The following RYR2 variants were observed in gnomAD, a reference collection of about 807,000 sequenced individuals.
The protein encoded by RYR2 is cardiac muscle ryanodine receptor-calcium release channel.
Under a neutral mutation model 601.1 loss-of-function variants are expected in RYR2, and 227 were observed. The observed-to-expected ratio is 0.38, with a 90% CI of 0.34 to 0.42. The LOEUF is 0.42. RYR2 is among the 10% of genes least tolerant of loss of function. RYR2 has a pLI of 1.00. For missense variants in RYR2, 4,646 were observed against 6,156.5 expected (o/e 0.75, Z 8.21); for synonymous variants, 2,223 against 2,175.1 (o/e 1.02, Z -0.61).
chr1:237,195,710 A>G (rs1353829115), intron 1 of RYR2, among the ~76,000 whole-genome samples: 1 of 152,224 alleles, frequency 6.6e-6, no homozygotes, highest in African/African-American at 2.4e-5. Flanking sequence ...TAGTCTGGTC[A>G]TTGTATACCC....
rs113593318 is a variant in RYR2 at position 237,307,912 on chromosome 1, G to C, written c.169-22966G>C. On this transcript the variant is annotated intron_variant, in intron 2 of 104. Transcript: ENST00000366574. Reference sequence around the variant, plus strand: ...TTATCAGAGGCATTCGAGCCAGAGCGACTCCATTTTGAGTGAAGGCTAGGA... The same window carrying C: ...TTATCAGAGGCATTCGAGCCAGAGCCACTCCATTTTGAGTGAAGGCTAGGA... Among the ~76,000 whole-genome samples the C allele has an allele frequency of 7.5e-4, 95 of 127,148 alleles. No homozygotes were observed. In the Middle Eastern group the frequency reaches 0.013, roughly 17 times the overall value. 83.4% of individuals were successfully genotyped at this position (127,148 alleles called of 152,430 possible).
At chr1:237,517,759 A>T (rs1171042799) in intron 24 of RYR2, among the ~76,000 whole-genome samples, 1 of 152,182 alleles carries the variant, frequency 6.6e-6, no homozygotes, top group Non-Finnish European at 1.5e-5. Flanking sequence ...AGAGTGGTAC[A>T]TTTATAACAA....
intron 34 of RYR2, among the ~76,000 whole-genome samples, chr1:237,598,206 A>G (rs1036443660): frequency 6.6e-6 from 1 of 152,230 alleles, no homozygotes; most frequent in Non-Finnish European, 1.5e-5. Context: ...CTTCAATGCA[A>G]CAATAGTAGG....
intron 1 of RYR2, among the ~76,000 whole-genome samples, chr1:237,054,539 T>C (rs1661733623): frequency 6.6e-6 from 1 of 152,080 alleles, no homozygotes; most frequent in Non-Finnish European, 1.5e-5. Flanking sequence ...AAAATGCAAA[T>C]TGTGTCTACT....
intron 89 of RYR2, among the ~76,000 whole-genome samples, chr1:237,782,568 G>A (rs1445894832): frequency 6.6e-6 from 1 of 151,964 alleles, no homozygotes; most frequent in Non-Finnish European, 1.5e-5. Flanking sequence ...GCCCTTAGTC[G>A]GTGGCAACAG....
At chr1:237,413,836 T>C (rs1293946632) in intron 10 of RYR2, among the ~76,000 whole-genome samples, 1 of 152,160 alleles carries the variant, frequency 6.6e-6, no homozygotes, top group African/African-American at 2.4e-5. Flanking sequence ...TATTTACATG[T>C]TTTATTTAAT....
rs1284901839 is a variant in RYR2, at chr1:237,643,316, C to T, written c.7222-11C>T. 4.4e-6 allele frequency: 7 copies of T among 1,595,022 alleles called. No homozygotes were observed. Among genetic ancestry groups the T allele is most frequent in the African/African-American group, 2.7e-5 (2 of 72,954 alleles). ...CAAAGTTGTTCTAATGTTTTTTTTT[C>T]CCCTGTATAGTTGATTCATGCCGGG... On this transcript the variant is annotated splice_polypyrimidine_tract_variant and intron_variant, in intron 47 of 104. Transcript: ENST00000366574.
At chr1:237,491,695 C>A in intron 17 of RYR2, 111 bp from the exon 18 acceptor site, 1 of 625,216 alleles carries the variant, frequency 1.6e-6, no homozygotes, top group South Asian at 1.9e-5. Flanking sequence ...ACATTGAGCA[C>A]AGATAATTAC....
chr1:237,410,371 A>T (rs867973030), intron 10 of RYR2, among the ~76,000 whole-genome samples: 39 of 152,332 alleles, frequency 2.6e-4, no homozygotes, highest in South Asian at 1.9e-3. Context: ...TTCAAGATAG[A>T]TAAGGTAAGA....
rs550621028 is a variant in RYR2, at chr1:237,540,661, C to G, written c.2907-7770C>G. ...GGCAGAAGTTGCAGTGAGCTGAGAT[C>G]GCATCATTGTAATCCAGCCTGGACA... On this transcript the variant is annotated intron_variant, in intron 25 of 104. Coordinates refer to ENST00000366574, the MANE Select transcript of RYR2 (RefSeq NM_001035.3). Among the ~76,000 whole-genome samples the G allele has an allele frequency of 3.6e-4, 55 of 150,978 alleles. 1 individual carries two copies. The highest frequency in any genetic ancestry group is 7.1e-4 in the Non-Finnish European group (48 of 67,882).
Position 237,771,334 on chromosome 1 carries a change from C to T in RYR2, c.11557+447C>T, listed in dbSNP as rs561574058. On this transcript the variant is annotated intron_variant, in intron 85 of 104. Coordinates refer to ENST00000366574, the MANE Select transcript of RYR2 (RefSeq NM_001035.3). ...GCTGGGGCAGGAGGATTGCTTGAGG[C>T]CAGGAGTTCGAGGCTGCAGTGAGCT... is the stretch of plus-strand genomic sequence containing the variant. 7.9e-5 allele frequency among the ~76,000 whole-genome samples: 12 copies of T among 151,782 alleles called. No homozygotes were observed. In the South Asian group the frequency reaches 2.5e-3, roughly 32 times the overall value.
At chr1:237,353,697 T>A (rs1282584616) in intron 3 of RYR2, among the ~76,000 whole-genome samples, 1 of 152,110 alleles carries the variant, frequency 6.6e-6, no homozygotes, top group Non-Finnish European at 1.5e-5. Context: ...TATTTTGAAA[T>A]TTTGAAATGA....
chr1:237,712,972 A>G (rs769358111), intron 71 of RYR2, among the ~76,000 whole-genome samples: 9 of 152,224 alleles, frequency 5.9e-5, no homozygotes, highest in Non-Finnish European at 1.0e-4. Context: ...AGAGTAGCTT[A>G]GGTACACCCA....
At chr1:237,631,611 AGATTTTTT>A in intron 42 of RYR2, 70 bp downstream of exon 42, 1 of 292,576 alleles carries the variant, frequency 3.4e-6, no homozygotes, top group East Asian at 6.8e-5. Context: ...TATAGAATGC[AGATTTTTT>A]TTTTTTTTTT....
At chr1:237,760,250 C>T (rs1356455791) in intron 83 of RYR2, among the ~76,000 whole-genome samples, 1 of 149,164 alleles carries the variant, frequency 6.7e-6, no homozygotes, top group African/African-American at 2.5e-5. Context: ...CCTAGCTACT[C>T]AGGAGGCTGA....
At position 237,718,535 on chromosome 1, in the gene RYR2, T is replaced by G; in HGVS notation, c.10554+14T>G. The G allele has an allele frequency of 6.6e-7, 1 of 1,518,852 alleles. No individual in the cohort carries two copies. The highest frequency in any genetic ancestry group is 9.1e-7 in the Non-Finnish European group (1 of 1,094,666). 94.1% of individuals were successfully genotyped at this position (1,518,852 alleles called of 1,614,324 possible). A position where few individuals can be genotyped will look rare whatever the true frequency, so the allele number is the denominator to read the frequency against. The stretch of plus-strand genomic sequence containing the variant: ...TTACAAGGCAAGGTAAGCCAAATTT[T>G]ATTCTTAAGCCACATTTACTACCTA... On this transcript the variant is annotated intron_variant, in intron 73 of 104. Coordinates refer to ENST00000366574, the MANE Select transcript of RYR2 (RefSeq NM_001035.3).
At chr1:237,474,258 T>TATAG (rs1661138927) in intron 17 of RYR2, among the ~76,000 whole-genome samples, 2 of 136,398 alleles carry the variant, frequency 1.5e-5, no homozygotes, top group Admixed American at 7.4e-5. Flanking sequence ...TATACATATG[T>TATAG]ATAGATACCT....
chr1:237,668,904 T>A (rs1174166351), intron 58 of RYR2, among the ~76,000 whole-genome samples: 1 of 151,890 alleles, frequency 6.6e-6, no homozygotes, highest in Non-Finnish European at 1.5e-5. Flanking sequence ...TTATTGATCA[T>A]TCTTGGGTGT....
intron 1 of RYR2, among the ~76,000 whole-genome samples, chr1:237,240,301 A>G (rs944446835): frequency 1.2e-4 from 18 of 152,260 alleles, no homozygotes; most frequent in African/African-American, 3.8e-4. Context: ...ATTCTGGAGC[A>G]CTGAATATTC....
Sources: allele counts gnomAD v4.1 joint callset (sites outside exome capture counted in the v4.1 genomes callset), GRCh38; gene constraint gnomAD v4.1.1; transcripts MANE v1.5; gene names NCBI Gene and HGNC (gene_info 2026-07-23, HGNC 2026-07-21).